Variants in ODAD2 observed in about 807,000 individuals in gnomAD.
ODAD2 encodes outer dynein arm-docking complex subunit 2.
In ODAD2, 89 loss-of-function variants were observed where a neutral mutation model predicts 106.8. The ratio of observed to expected loss-of-function variants is 0.83; its 90% CI spans 0.70 to 0.99. The LOEUF (loss-of-function observed/expected upper bound fraction) is 0.99, where lower values mean the gene tolerates loss of function less well. Among genes scored for constraint, ODAD2 ranks in the 50% least tolerant of loss-of-function variants. The pLI is 0.00. For missense variants in ODAD2, 1,168 were observed against 1,238.5 expected, an observed-to-expected ratio of 0.94 and a Z score of 0.85; for synonymous variants, 404 against 436.2, an observed-to-expected ratio of 0.93 and a Z score of 0.92.
chr10:27,888,125 C>G (rs760680193), intron 17 of ODAD2, among the ~76,000 whole-genome samples: 1 of 152,100 alleles, frequency 6.6e-6, no homozygotes, highest in Non-Finnish European at 1.5e-5. Flanking sequence ...GATAAACATA[C>G]AAGTACATGT....
intron 16 of ODAD2, among the ~76,000 whole-genome samples, chr10:27,922,563 T>C (rs376279567): frequency 6.6e-6 from 1 of 152,022 alleles, no homozygotes; most frequent in Non-Finnish European, 1.5e-5. Context: ...TTGATTACCA[T>C]ACAGGCAATA....
At chr10:27,967,339 T>A (rs2132931550) in intron 9 of ODAD2, among the ~76,000 whole-genome samples, 1 of 151,910 alleles carries the variant, frequency 6.6e-6, no homozygotes, top group East Asian at 2.0e-4. Context: ...AAGTCACTTA[T>A]CCGAACTGTG....
intron 9 of ODAD2, among the ~76,000 whole-genome samples, chr10:27,965,168 T>C (rs1422383298): frequency 2.6e-5 from 4 of 152,104 alleles, no homozygotes; most frequent in Non-Finnish European, 5.9e-5. Flanking sequence ...TCAGTGATAA[T>C]GGATCCATAG....
intron 2 of ODAD2, among the ~76,000 whole-genome samples, chr10:27,990,800 T>G (rs923059739): frequency 6.6e-6 from 1 of 152,188 alleles, no homozygotes. Context: ...AGACAGCCAT[T>G]GCTCTGGTGA....
chr10:27,985,228 A>T lies in ODAD2; in HGVS notation c.383-17T>A, dbSNP rs1588663735. 6.7e-7 allele frequency: 1 copy of T among 1,492,148 alleles called. No individual in the cohort carries two copies. Among genetic ancestry groups the T allele is most frequent in the Non-Finnish European group, 8.9e-7 (1 of 1,122,700 alleles). The allele number at this position is 1,492,148 out of a possible 1,614,324, so 92.4% of individuals were successfully genotyped here. A position where few individuals can be genotyped will look rare whatever the true frequency, so the allele number is the denominator to read the frequency against. On this transcript the variant is annotated splice_polypyrimidine_tract_variant and intron_variant, in intron 3 of 19. Transcript: ENST00000305242. ...CTCTGTTAGCTGCCAAAAAAAAAAA[A>T]AAGGAGACAAATAAAAATTATCCAC...
At chr10:27,924,430 A>T (rs528102339) in intron 16 of ODAD2, among the ~76,000 whole-genome samples, 8 of 151,352 alleles carry the variant, frequency 5.3e-5, no homozygotes, top group African/African-American at 7.2e-5. Flanking sequence ...ATTATTTTTT[A>T]AAAAATTAAA....
At chr10:27,833,702 C>T (rs995880701) in intron 19 of ODAD2, among the ~76,000 whole-genome samples, 1 of 152,154 alleles carries the variant, frequency 6.6e-6, no homozygotes, top group Non-Finnish European at 1.5e-5. Context: ...CTGTGGCAGG[C>T]ACTGAACTAG....
chr10:27,942,317 G>T (rs181004350), intron 12 of ODAD2, among the ~76,000 whole-genome samples: 1 of 152,144 alleles, frequency 6.6e-6, no homozygotes, highest in Non-Finnish European at 1.5e-5. Flanking sequence ...TTAAATGTAC[G>T]TATAGGTCAC....
chr10:27,982,065 G>C (rs1401897370), intron 6 of ODAD2, among the ~76,000 whole-genome samples: 1 of 152,024 alleles, frequency 6.6e-6, no homozygotes, highest in Non-Finnish European at 1.5e-5. Flanking sequence ...TCTGTGTAAC[G>C]ATCTGTCCAC....
chr10:27,892,332 T>C (rs901400739), intron 17 of ODAD2, among the ~76,000 whole-genome samples: 2 of 152,210 alleles, frequency 1.3e-5, no homozygotes, highest in African/African-American at 2.4e-5. Context: ...TAGTTCACTT[T>C]AGTTTGACCT....
chr10:27,933,250 TA>T (rs1365623151), intron 16 of ODAD2, among the ~76,000 whole-genome samples: 1 of 152,042 alleles, frequency 6.6e-6, no homozygotes, highest in Non-Finnish European at 1.5e-5. Context: ...TCCCTGTCTC[TA>T]AAAAACAAAC....
chr10:27,995,050 C>T lies in ODAD2; in HGVS notation c.93G>A (p.Leu31=). The T allele has an allele frequency of 6.2e-7, 1 of 1,614,132 alleles. No homozygotes were observed. Among genetic ancestry groups the T allele is most frequent in the Non-Finnish European group, 8.5e-7 (1 of 1,180,026 alleles). ...LEITPLNEAI[L]KEIIVFVESF... is the part of the protein sequence containing the mutation. ...TCTCCACAAACACAATAATTTCTTT[C>T]AATATCGCTTCATTTAGAGGGGTGA... Residue 31 remains leucine (L), a synonymous_variant, in exon 2 of 20, where the codon TTG becomes TTA. Coordinates refer to ENST00000305242, the MANE Select transcript of ODAD2 (RefSeq NM_018076.5).
intron 10 of ODAD2, among the ~76,000 whole-genome samples, chr10:27,957,867 A>G (rs1027025394): frequency 1.3e-5 from 2 of 152,164 alleles, no homozygotes; most frequent in African/African-American, 4.8e-5. Context: ...AATCAGAGAC[A>G]TCACTCTACT....
At chr10:27,902,321 A>T (rs1191051555) in intron 17 of ODAD2, among the ~76,000 whole-genome samples, 1 of 152,200 alleles carries the variant, frequency 6.6e-6, no homozygotes, top group Non-Finnish European at 1.5e-5. Flanking sequence ...TTAGAGGGAA[A>T]TTTATAGCAC....
At chr10:27,987,013 G>C (rs1444419652) in intron 3 of ODAD2, among the ~76,000 whole-genome samples, 1 of 152,184 alleles carries the variant, frequency 6.6e-6, no homozygotes, top group African/African-American at 2.4e-5. Context: ...TGCCGAGAGA[G>C]AGTGGATTCA....
At chr10:27,880,384 T>G (rs1223654889) in intron 17 of ODAD2, among the ~76,000 whole-genome samples, 1 of 152,204 alleles carries the variant, frequency 6.6e-6, no homozygotes, top group South Asian at 2.1e-4. Context: ...AAAAATTCCT[T>G]TGGGAGGCAG....
intron 19 of ODAD2, among the ~76,000 whole-genome samples, chr10:27,851,162 G>T (rs1409772944): frequency 1.3e-5 from 2 of 152,090 alleles, no homozygotes; most frequent in South Asian, 2.1e-4. Context: ...AACAGTGTCC[G>T]TCCACCACTC....
At chr10:27,987,766 A>G (rs1228583045) in intron 2 of ODAD2, among the ~76,000 whole-genome samples, 1 of 151,928 alleles carries the variant, frequency 6.6e-6, no homozygotes, top group African/African-American at 2.4e-5. Context: ...GATATAACCA[A>G]GGAAGAATTT....
At chr10:27,815,072 G>A (rs745929683) in intron 19 of ODAD2, among the ~76,000 whole-genome samples, 6 of 152,020 alleles carry the variant, frequency 3.9e-5, no homozygotes, top group South Asian at 2.1e-4. Flanking sequence ...TCATAAACTC[G>A]ATCGAAGCCA....
Sources: allele counts gnomAD v4.1 joint callset (sites outside exome capture counted in the v4.1 genomes callset), GRCh38; gene constraint gnomAD v4.1.1; transcripts MANE v1.5; gene names NCBI Gene and HGNC (gene_info 2026-07-23, HGNC 2026-07-21).